TOP2B: variants seen among roughly 807,000 people sequenced by gnomAD.
TOP2B encodes DNA topoisomerase II beta.
TOP2B carries 51 observed loss-of-function variants against 193.5 expected under a neutral mutation model. That is an observed-to-expected ratio of 0.26 (90% confidence interval 0.21 to 0.33). The LOEUF (loss-of-function observed/expected upper bound fraction) is 0.33. Ranked by LOEUF, TOP2B falls within the 10% of genes least tolerant of loss-of-function variation. TOP2B has a pLI of 1.00. For missense variants in TOP2B, 1,378 were observed against 1,909.3 expected (o/e 0.72, Z 5.19); for synonymous variants, 634 against 635.7 (o/e 1.00, Z 0.04).
At chr3:25,663,301 C>T (rs1703972946) in intron 1 of TOP2B, among the ~76,000 whole-genome samples, 1 of 152,158 alleles carries the variant, frequency 6.6e-6, no homozygotes, top group Admixed American at 6.5e-5. Context: ...GTATTTAAAA[C>T]AGGGACGGGG....
Position 25,633,890 on chromosome 3 carries a change from T to C in TOP2B, c.977A>G (p.Glu326Gly). 2.5e-6 allele frequency: 4 copies of C among 1,612,822 alleles called. No individual in the cohort carries two copies. Among genetic ancestry groups the C allele is most frequent in the Non-Finnish European group, 3.4e-6 (4 of 1,179,268 alleles). The change falls in exon 8 of 36, where the codon GAA (glutamate) becomes GGA (glycine). Residue 326 changes from glutamate (E) to glycine (G), a missense_variant. Transcript: ENST00000264331. ...ERWDVCLTLSEKGFQQISFVN... is the reference protein window; with the variant it reads ...ERWDVCLTLSGKGFQQISFVN... Reference sequence around the variant, plus strand: ...AAAGCTGATTTGCTGGAATCCTTTTTCACTCAATGTGAGACAAACATCCCA... The same window carrying C: ...AAAGCTGATTTGCTGGAATCCTTTTCCACTCAATGTGAGACAAACATCCCA...
chr3:25,628,207 G>T (rs1246541252), intron 15 of TOP2B, among the ~76,000 whole-genome samples: 2 of 149,050 alleles, frequency 1.3e-5, no homozygotes, highest in Non-Finnish European at 3.0e-5. Flanking sequence ...CAGGCATGGT[G>T]GCTCACACCT....
intron 18 of TOP2B, among the ~76,000 whole-genome samples, chr3:25,625,507 A>G (rs558378391): frequency 8.6e-5 from 13 of 151,508 alleles, no homozygotes; most frequent in Non-Finnish European, 1.8e-4. Context: ...CAAATTTGTC[A>G]GTTTTCTTAA....
chr3:25,647,280 T>C (rs1006579762), intron 1 of TOP2B, among the ~76,000 whole-genome samples: 1 of 152,166 alleles, frequency 6.6e-6, no homozygotes, highest in African/African-American at 2.4e-5. Flanking sequence ...AATAAAATCA[T>C]AATTTATTTT....
Position 25,638,424 on chromosome 3 carries a change from G to A in TOP2B, c.396-114C>T, listed in dbSNP as rs935908411. On this transcript the variant is annotated intron_variant, in intron 4 of 35. Coordinates refer to ENST00000264331, the MANE Select transcript of TOP2B (RefSeq NM_001330700.2). Reference sequence around the variant, plus strand: ...AAGTAATCTAGAATAAACCTTAATGGTTATAAGATACTAGTCATTATCAAT... The same window carrying A: ...AAGTAATCTAGAATAAACCTTAATGATTATAAGATACTAGTCATTATCAAT... 4 of 1,220,654 alleles carry A rather than the reference G, an allele frequency of 3.3e-6. No individual in the cohort carries two copies. The South Asian group carries it at 7.0e-5, about 21-fold the overall frequency. The allele number at this position is 1,220,654 out of a possible 1,614,324, so 75.6% of individuals were successfully genotyped here.
At chr3:25,653,238 A>T (rs1244400702) in intron 1 of TOP2B, among the ~76,000 whole-genome samples, 3 of 152,178 alleles carry the variant, frequency 2.0e-5, no homozygotes, top group African/African-American at 7.2e-5. Context: ...ACTCTTACCA[A>T]AAAATGAGGG....
chr3:25,624,157 T>C lies in TOP2B; in HGVS notation c.2495+140A>G, dbSNP rs556246321. 3 of 1,013,674 alleles carry C rather than the reference T, an allele frequency of 3.0e-6. No individual in the cohort carries two copies. In the South Asian group the frequency reaches 5.1e-5, roughly 17 times the overall value. 62.8% of individuals were successfully genotyped at this position (1,013,674 alleles called of 1,614,324 possible). On this transcript the variant is annotated intron_variant, in intron 20 of 35. Coordinates refer to ENST00000264331, the MANE Select transcript of TOP2B (RefSeq NM_001330700.2). Reference sequence around the variant, plus strand: ...TCAACAGACTTCATTCTATTTGTGGTCAAATAATTTGGAACATTCACCTTC... The same window carrying C: ...TCAACAGACTTCATTCTATTTGTGGCCAAATAATTTGGAACATTCACCTTC...
chr3:25,641,743 T>C (rs1230438871), intron 4 of TOP2B, among the ~76,000 whole-genome samples: 1 of 152,112 alleles, frequency 6.6e-6, no homozygotes, highest in Admixed American at 6.5e-5. Flanking sequence ...GCTAAATTAC[T>C]AATGAAATTA....
At chr3:25,614,504 A>C (rs73153327) in intron 27 of TOP2B, among the ~76,000 whole-genome samples, 17,607 of 152,114 alleles carry the variant, frequency 0.12, 1,061 homozygotes, top group African/African-American at 0.15. Flanking sequence ...AGCACTAAAA[A>C]ATTCTAAATT....
chr3:25,626,735 T>C (rs372722369), intron 17 of TOP2B, 37 bp downstream of exon 17: 37 of 1,553,138 alleles, frequency 2.4e-5, no homozygotes, highest in Non-Finnish European at 3.2e-5. Flanking sequence ...AGTCTCTCTC[T>C]CCTTCTTTCC....
At chr3:25,650,478 T>C (rs1232915670) in intron 1 of TOP2B, among the ~76,000 whole-genome samples, 1 of 152,224 alleles carries the variant, frequency 6.6e-6, no homozygotes, top group East Asian at 1.9e-4. Context: ...GCTACAATTA[T>C]TTGAAGAAAT....
At position 25,643,773 on chromosome 3, in the gene TOP2B, C is replaced by T. The variant is rs1349930779; in HGVS notation, c.252G>A (p.Val84=). ...SVEPLTQFMW[V]YDEDVGMNCR... is the part of the protein sequence containing the mutation. ...AATTCATTCCTACATCTTCATCATA[C>T]ACCCACATGAACTGCATTGAAAAAT... Residue 84 remains valine (V), a synonymous_variant, in exon 3 of 36, where the codon GTG becomes GTA. Coordinates refer to ENST00000264331, the MANE Select transcript of TOP2B (RefSeq NM_001330700.2). 6 of 1,612,962 alleles carry T rather than the reference C, an allele frequency of 3.7e-6. No homozygotes were observed. Among genetic ancestry groups the T allele is most frequent in the Non-Finnish European group, 5.1e-6 (6 of 1,179,272 alleles).
intron 4 of TOP2B, among the ~76,000 whole-genome samples, chr3:25,640,060 T>C (rs573678377): frequency 6.6e-6 from 1 of 152,322 alleles, no homozygotes; most frequent in South Asian, 2.1e-4. Flanking sequence ...AACAGCTCTT[T>C]TTCTCATTTA....
chr3:25,631,246 T>G (rs911236664), intron 10 of TOP2B, among the ~76,000 whole-genome samples: 1 of 151,828 alleles, frequency 6.6e-6, no homozygotes, highest in African/African-American at 2.4e-5. Flanking sequence ...ATTAACACAG[T>G]GAAAACAGAT....
At chr3:25,602,976 T>C (rs889529530) in intron 33 of TOP2B, among the ~76,000 whole-genome samples, 2 of 152,128 alleles carry the variant, frequency 1.3e-5, no homozygotes, top group African/African-American at 4.8e-5. Flanking sequence ...GAGGACTTGC[T>C]GGGGTCCCTG....
At chr3:25,655,309 G>A (rs1703711713) in intron 1 of TOP2B, among the ~76,000 whole-genome samples, 1 of 152,060 alleles carries the variant, frequency 6.6e-6, no homozygotes, top group Admixed American at 6.6e-5. Flanking sequence ...ACTAATAAGA[G>A]AAATGAAAAT....
In TOP2B at chr3:25,598,372, C is replaced by G; in HGVS notation, c.4816G>C (p.Glu1606Gln). The change falls in exon 36 of 36, where the codon GAA (glutamate) becomes CAA (glutamine). Residue 1606 changes from glutamate to glutamine, a missense_variant. Around this residue, in one of 9 missense-constraint regions of TOP2B, gnomAD observed 556 missense variants for 584.2 expected, o/e 0.95. Transcript: ENST00000264331. Reference protein sequence around the residue: ...SLPRTGRARKEVKYFAESDEE... With the variant: ...SLPRTGRARKQVKYFAESDEE... ...TCAGACTCTGCAAAATATTTTACTT[C>G]TTTCCTAGCCCGACCGGTTCGTGGC... 1 of 1,613,312 alleles carries G rather than the reference C, an allele frequency of 6.2e-7. No homozygotes were observed. The highest frequency in any genetic ancestry group is 8.5e-7 in the Non-Finnish European group (1 of 1,179,502).
At chr3:25,661,049 G>A (rs1243118204) in intron 1 of TOP2B, among the ~76,000 whole-genome samples, 2 of 146,568 alleles carry the variant, frequency 1.4e-5, no homozygotes, top group East Asian at 2.0e-4. Context: ...TGCCCAGGCT[G>A]GAGTGCAATG....
chr3:25,626,248 A>G (rs561874287), intron 18 of TOP2B, among the ~76,000 whole-genome samples: 22 of 152,164 alleles, frequency 1.4e-4, no homozygotes, highest in Non-Finnish European at 2.8e-4. Context: ...AGAAATTATC[A>G]AAGTTCCATT....
Sources: allele counts gnomAD v4.1 joint callset (sites outside exome capture counted in the v4.1 genomes callset), GRCh38; gene constraint gnomAD v4.1.1; regional missense constraint gnomAD v4.1.1; transcripts MANE v1.5; gene names NCBI Gene and HGNC (gene_info 2026-07-23, HGNC 2026-07-21).